The following CEP350 variants were observed in gnomAD, a reference collection of about 807,000 sequenced individuals.
CEP350 encodes the protein centrosomal protein 350.
Under a neutral mutation model 331.8 loss-of-function variants are expected in CEP350, and 126 were observed. The ratio of observed to expected loss-of-function variants is 0.38; its 90% CI spans 0.33 to 0.44. The LOEUF (loss-of-function observed/expected upper bound fraction) is 0.44. Ranked by LOEUF, CEP350 falls within the 20% of genes least tolerant of loss-of-function variation. The probability of loss-of-function intolerance (pLI) is 1.00; values close to 1 mark genes in which losing one functional copy is unlikely to be tolerated. For synonymous variants in CEP350, 1,200 were observed against 1,259.5 expected, an observed-to-expected ratio of 0.95 and a Z score of 1.00; for missense variants, 3,406 against 3,634.6, an observed-to-expected ratio of 0.94 and a Z score of 1.62.
intron 30 of CEP350, among the ~76,000 whole-genome samples, chr1:180,081,163 C>T (rs1023521390): frequency 2.0e-5 from 3 of 152,128 alleles, no homozygotes; most frequent in Non-Finnish European, 2.9e-5. Context: ...CCACTGCACC[C>T]GGCCCACTGT....
chr1:179,962,534 T>G (rs2148543172), intron 1 of CEP350, among the ~76,000 whole-genome samples: 1 of 152,210 alleles, frequency 6.6e-6, no homozygotes, highest in South Asian at 2.1e-4. Context: ...CTCAGCCTCC[T>G]GAGTAGCTGG....
At chr1:180,025,435 T>C (rs1435592782) in intron 14 of CEP350, among the ~76,000 whole-genome samples, 2 of 152,174 alleles carry the variant, frequency 1.3e-5, no homozygotes, top group South Asian at 2.1e-4. Context: ...GTAAATATTT[T>C]TGAGTGATTG....
intron 1 of CEP350, among the ~76,000 whole-genome samples, chr1:179,981,200 T>C (rs1261544117): frequency 2.6e-5 from 4 of 152,266 alleles, no homozygotes; most frequent in Admixed American, 1.3e-4. Context: ...GTACTTCCAG[T>C]GAATTTTTGT....
chr1:180,084,094 T>G lies in CEP350; in HGVS notation c.6201T>G (p.Val2067=). 1 of 1,597,934 alleles carries G rather than the reference T, an allele frequency of 6.3e-7. No individual in the cohort carries two copies. ...ATGAGTTGCGGAAAAGAAAATCAGT[T>G]GTGAACCAGCTGAAGAAGGAACAGA... ...LKDELRKRKS[V]VNQLKKEQKK... Residue 2067 remains valine, a synonymous_variant, in exon 31 of 38, where the codon GTT becomes GTG. Coordinates refer to ENST00000367607, the MANE Select transcript of CEP350 (RefSeq NM_014810.5).
chr1:180,073,955 G>T (rs996561744), intron 27 of CEP350: 46 of 1,288,226 alleles, frequency 3.6e-5, no homozygotes, highest in African/African-American at 4.6e-5. Flanking sequence ...AGCATGCTCT[G>T]TTCTTTTTGT....
At position 180,044,896 on chromosome 1, in the gene CEP350, G is replaced by GAA. The variant is rs71118429; in HGVS notation, c.4622+733_4622+734dup. On this transcript the variant is annotated intron_variant, in intron 21 of 37. Coordinates refer to ENST00000367607, the MANE Select transcript of CEP350 (RefSeq NM_014810.5). ...AAAATAAAATAATTGTTGATTATAGGAAAAAAAAAAAGAAACCCATTCAAG... is the reference window on the plus strand; with the variant it reads ...AAAATAAAATAATTGTTGATTATAGGAAAAAAAAAAAAAGAAACCCATTCAAG... Among the ~76,000 whole-genome samples, 162 of 145,610 alleles carry GAA rather than the reference G, an allele frequency of 1.1e-3. 2 individuals carry two copies. The highest frequency in any genetic ancestry group is 2.8e-3 in the African/African-American group (111 of 39,558).
chr1:180,086,089 A>G (rs79093266), intron 31 of CEP350, among the ~76,000 whole-genome samples: 4,567 of 152,270 alleles, frequency 0.03, 121 homozygotes, highest in South Asian at 0.071. Flanking sequence ...TTCCACACAG[A>G]AAATAGGCCT....
At chr1:180,066,616 TAC>T (rs1486717288) in intron 27 of CEP350, among the ~76,000 whole-genome samples, 13 of 152,258 alleles carry the variant, frequency 8.5e-5, no homozygotes, top group African/African-American at 2.2e-4. Context: ...GTCTTGAAAA[TAC>T]AGTTTTTAAA....
chr1:180,006,589 A>C lies in CEP350; in HGVS notation c.1246+22A>C, dbSNP rs1327347659. 6.1e-6 allele frequency: 7 copies of C among 1,154,600 alleles called. No homozygotes were observed. The East Asian group carries it at 1.0e-4, about 17-fold the overall frequency. 71.5% of individuals were successfully genotyped at this position (1,154,600 alleles called of 1,614,324 possible). ...ACAGGTTAGTTTTCTCAACATGTCC[A>C]TCCTTTTTTTTTGTTTTTAATTAAT... On this transcript the variant is annotated intron_variant, in intron 8 of 37. Coordinates refer to ENST00000367607, the MANE Select transcript of CEP350 (RefSeq NM_014810.5).
chr1:179,962,213 G>A (rs966975095), intron 1 of CEP350, among the ~76,000 whole-genome samples: 2 of 151,966 alleles, frequency 1.3e-5, no homozygotes, highest in South Asian at 4.1e-4. Context: ...CTATTGTTTA[G>A]ACCCCACTTA....
intron 27 of CEP350, among the ~76,000 whole-genome samples, chr1:180,074,596 GT>G (rs1368233286): frequency 6.6e-6 from 1 of 152,066 alleles, no homozygotes; most frequent in Non-Finnish European, 1.5e-5. Context: ...TTTGGGGTTT[GT>G]TTTTTATTGT....
At chr1:180,074,977 A>G (rs1304710859) in intron 27 of CEP350, 45 bp from the exon 28 acceptor site, 2 of 1,524,316 alleles carry the variant, frequency 1.3e-6, no homozygotes, top group Non-Finnish European at 8.8e-7. Flanking sequence ...TGATCTCTGC[A>G]TATAGGTTTT....
intron 5 of CEP350, among the ~76,000 whole-genome samples, chr1:179,994,253 G>T (rs1653308963): frequency 6.6e-6 from 1 of 152,000 alleles, no homozygotes; most frequent in Admixed American, 6.6e-5. Flanking sequence ...TTGAGAGTGG[G>T]ACATGGTACG....
intron 14 of CEP350, among the ~76,000 whole-genome samples, chr1:180,028,901 A>C (rs1655841419): frequency 6.6e-6 from 1 of 152,212 alleles, no homozygotes; most frequent in South Asian, 2.1e-4. Flanking sequence ...GATAAGATGA[A>C]GTATAGGTAG....
chr1:179,990,681 G>A (rs547554278), intron 4 of CEP350, 60 bp downstream of exon 4: 2 of 923,306 alleles, frequency 2.2e-6, no homozygotes, highest in African/African-American at 1.7e-5. Context: ...TGACAAAACA[G>A]ACAGCTAGAT....
intron 1 of CEP350, chr1:179,968,836 G>A (rs1450378857): frequency 4.2e-6 from 3 of 712,758 alleles, no homozygotes; most frequent in Non-Finnish European, 7.8e-6. Flanking sequence ...GGCAGCTCGT[G>A]CCATTGTTAC....
At chr1:180,003,935 G>A (rs1452558829) in intron 7 of CEP350, among the ~76,000 whole-genome samples, 2 of 152,136 alleles carry the variant, frequency 1.3e-5, no homozygotes, top group African/African-American at 4.8e-5. Flanking sequence ...TCTAAAGTGT[G>A]AGGTCTTTGT....
chr1:180,097,968 G>GT (rs992055525), intron 36 of CEP350, among the ~76,000 whole-genome samples: 3 of 151,958 alleles, frequency 2.0e-5, no homozygotes, highest in African/African-American at 7.3e-5. Context: ...TTTTGTTGTT[G>GT]TTTTTTCTTT....
chr1:180,034,371 T>G (rs1656210939), intron 16 of CEP350, among the ~76,000 whole-genome samples: 1 of 152,188 alleles, frequency 6.6e-6, no homozygotes, highest in South Asian at 2.1e-4. Context: ...TACACACATG[T>G]ACGCATGCAC....
Sources: gnomAD v4.1 joint callset for allele counts (sites outside exome capture counted in the v4.1 genomes callset) on GRCh38, gnomAD v4.1.1 for gene constraint, MANE v1.5 for transcripts, NCBI Gene and HGNC (gene_info 2026-07-23, HGNC 2026-07-21) for gene names.